Variants in SOHLH2 observed in about 807,000 individuals in gnomAD.
SOHLH2 encodes spermatogenesis and oogenesis specific basic helix-loop-helix 2.
Under a neutral mutation model 50.4 loss-of-function variants are expected in SOHLH2, and 22 were observed. That is an observed-to-expected ratio of 0.44 (90% confidence interval 0.31 to 0.62). The LOEUF (loss-of-function observed/expected upper bound fraction) is 0.62, where lower values mean the gene tolerates loss of function less well. SOHLH2 is among the 20% of genes least tolerant of loss of function. The pLI is 0.08. For missense variants in SOHLH2, 412 were observed against 504.4 expected (o/e 0.82, Z 1.76); for synonymous variants, 185 against 187.3 (o/e 0.99, Z 0.10).
rs202178423 is a variant in SOHLH2, at chr13:36,174,602, G to A, written c.790-35C>T. The A allele has an allele frequency of 1.4e-3, 2,225 of 1,611,082 alleles. 3 individuals carry two copies. Among genetic ancestry groups the A allele is most frequent in the Non-Finnish European group, 1.5e-3 (1,813 of 1,179,228 alleles). Reference sequence around the variant, plus strand: ...ACAGAAATATATTTAGGTAGATACCGACATTTTTACATAGATACAAAGACA... The same window carrying A: ...ACAGAAATATATTTAGGTAGATACCAACATTTTTACATAGATACAAAGACA... On this transcript the variant is annotated intron_variant, in intron 7 of 10. Transcript: ENST00000379881.
At chr13:36,179,732 T>G (rs1173341997) in intron 6 of SOHLH2, among the ~76,000 whole-genome samples, 1 of 152,154 alleles carries the variant, frequency 6.6e-6, no homozygotes, top group East Asian at 1.9e-4. Flanking sequence ...GATTTTTGAA[T>G]GTCATACCAG....
At chr13:36,169,095 AC>A (rs778823602) in intron 10 of SOHLH2, 41 bp from the exon 11 acceptor site, 1 of 1,593,008 alleles carries the variant, frequency 6.3e-7, no homozygotes. Context: ...TTGAATCCTC[AC>A]CCACTCTTAC....
At chr13:36,177,825 A>T (rs554202081) in intron 6 of SOHLH2, among the ~76,000 whole-genome samples, 28 of 151,978 alleles carry the variant, frequency 1.8e-4, no homozygotes, top group Non-Finnish European at 3.8e-4. Context: ...GATTTGTCAG[A>T]TATCTGTTTG....
intron 1 of SOHLH2, among the ~76,000 whole-genome samples, chr13:36,207,733 A>G (rs975666363): frequency 6.6e-6 from 1 of 152,194 alleles, no homozygotes; most frequent in East Asian, 1.9e-4. Flanking sequence ...CTAATATGCA[A>G]TGGTTTCTCA....
intron 1 of SOHLH2, among the ~76,000 whole-genome samples, chr13:36,202,716 T>G (rs901924326): frequency 6.6e-6 from 1 of 152,192 alleles, no homozygotes; most frequent in Non-Finnish European, 1.5e-5. Flanking sequence ...CTACAGCTAA[T>G]GAACTCAACC....
intron 1 of SOHLH2, among the ~76,000 whole-genome samples, chr13:36,210,218 C>T (rs756319925): frequency 2.0e-5 from 3 of 152,122 alleles, no homozygotes; most frequent in Non-Finnish European, 4.4e-5. Context: ...ATCCAGGGGG[C>T]CAACCTGGCC....
chr13:36,186,623 C>A (rs1317167016), intron 6 of SOHLH2, among the ~76,000 whole-genome samples: 1 of 152,180 alleles, frequency 6.6e-6, no homozygotes, highest in African/African-American at 2.4e-5. Flanking sequence ...ACACCACCAT[C>A]ATGTCAGACT....
chr13:36,189,529 G>T (rs556122004), intron 6 of SOHLH2, among the ~76,000 whole-genome samples: 1 of 152,064 alleles, frequency 6.6e-6, no homozygotes, highest in East Asian at 1.9e-4. Flanking sequence ...TAATTGCAAC[G>T]TGTGGAAAGC....
chr13:36,184,719 A>G (rs1887365328), intron 6 of SOHLH2, among the ~76,000 whole-genome samples: 1 of 152,006 alleles, frequency 6.6e-6, no homozygotes, highest in Non-Finnish European at 1.5e-5. Flanking sequence ...TGGCCTCCCA[A>G]AGTGCTGGGA....
intron 1 of SOHLH2, among the ~76,000 whole-genome samples, chr13:36,214,004 C>T (rs1224832994): frequency 1.3e-5 from 2 of 148,240 alleles, no homozygotes; most frequent in Non-Finnish European, 3.0e-5. Context: ...TGGCCTTCTG[C>T]TCGAAAAATA....
At chr13:36,177,436 T>C (rs930693371) in intron 6 of SOHLH2, among the ~76,000 whole-genome samples, 1 of 152,090 alleles carries the variant, frequency 6.6e-6, no homozygotes, top group African/African-American at 2.4e-5. Flanking sequence ...GGGTAATATC[T>C]AGGAATAGAA....
chr13:36,173,591 C>T, intron 9 of SOHLH2, 101 bp downstream of exon 9: 1 of 1,404,418 alleles, frequency 7.1e-7, no homozygotes, highest in South Asian at 1.2e-5. Context: ...CATCAGCTCT[C>T]CTGGATTCCC....
chr13:36,183,041 A>C (rs561800486), intron 6 of SOHLH2: 1 of 196,816 alleles, frequency 5.1e-6, no homozygotes, highest in African/African-American at 2.3e-5. Context: ...AGTTCATGCA[A>C]GATCTGGTGG....
At chr13:36,201,772 A>G (rs1868433996) in intron 2 of SOHLH2, 107 bp downstream of exon 2, 2 of 1,455,140 alleles carry the variant, frequency 1.4e-6, no homozygotes, top group South Asian at 2.8e-5. Flanking sequence ...CTGGCCCCTC[A>G]ATTTGAAAAG....
intron 6 of SOHLH2, chr13:36,182,087 G>T (rs2138280428): frequency 3.0e-6 from 3 of 985,132 alleles, no homozygotes; most frequent in Non-Finnish European, 3.6e-6. Context: ...GCTGTATACT[G>T]CTAAGATTTC....
At chr13:36,173,669 C>T in intron 9 of SOHLH2, 23 bp downstream of exon 9, 1 of 1,612,044 alleles carries the variant, frequency 6.2e-7, no homozygotes, top group Non-Finnish European at 8.5e-7. Context: ...CTCTAAGTGG[C>T]ACAGATGCTA....
At chr13:36,196,444 G>A (rs1228154486) in intron 2 of SOHLH2, among the ~76,000 whole-genome samples, 1 of 152,048 alleles carries the variant, frequency 6.6e-6, no homozygotes, top group Non-Finnish European at 1.5e-5. Flanking sequence ...ATATTTTTAG[G>A]TGATGAGAAA....
At chr13:36,170,034 A>C (rs1160544097) in intron 10 of SOHLH2, among the ~76,000 whole-genome samples, 1 of 152,238 alleles carries the variant, frequency 6.6e-6, no homozygotes, top group Non-Finnish European at 1.5e-5. Flanking sequence ...CAATGTCAGA[A>C]CATAATGGGT....
chr13:36,169,680 T>C (rs1886909843), intron 10 of SOHLH2, among the ~76,000 whole-genome samples: 1 of 152,258 alleles, frequency 6.6e-6, no homozygotes, highest in Non-Finnish European at 1.5e-5. Context: ...AGTTTGAGTC[T>C]TCCTCTAGCA....
Sources: gnomAD v4.1 joint callset for allele counts (sites outside exome capture counted in the v4.1 genomes callset) on GRCh38, gnomAD v4.1.1 for gene constraint, MANE v1.5 for transcripts, NCBI Gene and HGNC (gene_info 2026-07-23, HGNC 2026-07-21) for gene names.